The following LRRC28 variants were observed in gnomAD, a reference collection of about 807,000 sequenced individuals.
LRRC28 encodes leucine rich repeat containing 28.
LRRC28 carries 39 observed loss-of-function variants against 45.7 expected under a neutral mutation model. That is an observed-to-expected ratio of 0.85 (90% confidence interval 0.66 to 1.12). The LOEUF is 1.12. Among genes scored for constraint, LRRC28 ranks in the 50% most tolerant of loss-of-function variants. The probability of loss-of-function intolerance (pLI) is 0.00; values close to 1 mark genes in which losing one functional copy is unlikely to be tolerated. For synonymous variants in LRRC28, 206 were observed against 178.8 expected (o/e 1.15, Z -1.22); for missense variants, 435 against 438.5 (o/e 0.99, Z 0.07).
chr15:99,380,781 C>G (rs1957795814), intron 9 of LRRC28, among the ~76,000 whole-genome samples: 1 of 152,160 alleles, frequency 6.6e-6, no homozygotes, highest in Non-Finnish European at 1.5e-5. Flanking sequence ...TTTATTTCTC[C>G]TTCACTTATG....
chr15:99,372,950 G>A (rs867555748), intron 9 of LRRC28, among the ~76,000 whole-genome samples: 1 of 151,974 alleles, frequency 6.6e-6, no homozygotes, highest in African/African-American at 2.4e-5. Context: ...AGAGGGAAAC[G>A]ACCCTTATAA....
chr15:99,285,894 G>T, intron 3 of LRRC28: 1 of 283,986 alleles, frequency 3.5e-6, no homozygotes, highest in Non-Finnish European at 6.9e-6. Flanking sequence ...CAGAAAGCAA[G>T]GAATGAAATG....
At chr15:99,370,448 G>T (rs932527349) in intron 9 of LRRC28, among the ~76,000 whole-genome samples, 2 of 152,108 alleles carry the variant, frequency 1.3e-5, no homozygotes, top group Non-Finnish European at 2.9e-5. Flanking sequence ...AGTCCAGAAG[G>T]ATGGAGCTCC....
At chr15:99,318,796 T>A (rs945622065) in intron 5 of LRRC28, among the ~76,000 whole-genome samples, 1 of 152,088 alleles carries the variant, frequency 6.6e-6, no homozygotes, top group South Asian at 2.1e-4. Context: ...GTATTTTAAT[T>A]GAGAGATTTT....
In LRRC28 at chr15:99,363,106, A is replaced by G. The variant is rs766170380; in HGVS notation, c.872A>G (p.Asp291Gly). The G allele has an allele frequency of 8.1e-6, 13 of 1,605,722 alleles. No individual in the cohort carries two copies. Among genetic ancestry groups the G allele is most frequent in the Non-Finnish European group, 1.1e-5 (13 of 1,176,348 alleles). ...LYHTYHSLLKDLNFLSPISLP... is the reference protein window; with the variant it reads ...LYHTYHSLLKGLNFLSPISLP... The stretch of plus-strand genomic sequence containing the variant: ...TGCGTGATTTTCTTTTGTGTTCCAG[A>G]TTTGAACTTTCTGTCTCCAATCTCA... The change falls in exon 9 of 10, where the codon GAT becomes GGT. Residue 291 changes from aspartate (D) to glycine (G), a missense_variant and splice_region_variant. Transcript: ENST00000301981.
At chr15:99,312,387 G>A (rs966316702) in intron 5 of LRRC28, among the ~76,000 whole-genome samples, 3 of 152,130 alleles carry the variant, frequency 2.0e-5, no homozygotes, top group African/African-American at 7.2e-5. Context: ...CAATATCACT[G>A]TCTTCCACCT....
chr15:99,322,976 G>C (rs1292039195), intron 5 of LRRC28, among the ~76,000 whole-genome samples: 2 of 152,170 alleles, frequency 1.3e-5, no homozygotes, highest in Non-Finnish European at 2.9e-5. Flanking sequence ...TTTTTCTGTG[G>C]TATTTCTGTA....
intron 7 of LRRC28, among the ~76,000 whole-genome samples, chr15:99,359,729 T>C (rs1957145915): frequency 6.6e-6 from 1 of 152,174 alleles, no homozygotes; most frequent in Admixed American, 6.5e-5. Context: ...AGGATAAACA[T>C]AATGAATAAA....
chr15:99,384,816 T>C (rs1472986), intron 9 of LRRC28: 88,708 of 152,198 alleles, frequency 0.58, 26,146 homozygotes, highest in Middle Eastern at 0.71. Context: ...CCAGCCCAAC[T>C]TCAGAATCTC....
At chr15:99,350,479 A>G (rs1218090167) in intron 6 of LRRC28, among the ~76,000 whole-genome samples, 2 of 152,206 alleles carry the variant, frequency 1.3e-5, no homozygotes, top group Admixed American at 6.5e-5. Flanking sequence ...TGTGAAGCAA[A>G]AGACCTTCAA....
chr15:99,322,282 T>C (rs1445864188), intron 5 of LRRC28, among the ~76,000 whole-genome samples: 1 of 152,120 alleles, frequency 6.6e-6, no homozygotes, highest in African/African-American at 2.4e-5. Context: ...GACCATGATC[T>C]GATGTATATT....
chr15:99,349,909 G>A (rs1956816942), intron 6 of LRRC28, among the ~76,000 whole-genome samples: 1 of 152,070 alleles, frequency 6.6e-6, no homozygotes, highest in Non-Finnish European at 1.5e-5. Flanking sequence ...GGCCGAGGCG[G>A]GTGGATCATG....
chr15:99,259,534 G>A, intron 2 of LRRC28: 1 of 1,230,188 alleles, frequency 8.1e-7, no homozygotes, highest in East Asian at 2.3e-5. Flanking sequence ...CTCAGTGCCT[G>A]ACAGAATCTC....
intron 2 of LRRC28, chr15:99,259,189 C>G (rs2081117961): frequency 9.0e-7 from 1 of 1,117,240 alleles, no homozygotes; most frequent in South Asian, 1.2e-5. Context: ...CTAGCCTACA[C>G]CAGGATGTTG....
At chr15:99,326,108 C>T (rs2152283833) in intron 5 of LRRC28, among the ~76,000 whole-genome samples, 1 of 152,034 alleles carries the variant, frequency 6.6e-6, no homozygotes, top group East Asian at 1.9e-4. Context: ...TACCTTTGTT[C>T]TGTATTTCTC....
chr15:99,252,717 A>G (rs938271322), intron 1 of LRRC28, among the ~76,000 whole-genome samples: 2 of 152,222 alleles, frequency 1.3e-5, no homozygotes, highest in African/African-American at 4.8e-5. Flanking sequence ...TGAAAAATCA[A>G]CCTTGCAATG....
Position 99,386,022 on chromosome 15 carries a change from C to T in LRRC28, c.1032-8C>T. On this transcript the variant is annotated splice_polypyrimidine_tract_variant and splice_region_variant and intron_variant, in intron 9 of 9. Transcript: ENST00000301981. Reference sequence around the variant, plus strand: ...ACAGCGTTCTTCTCTCCCTTTTTCCCCTTCCAGGAAGACAACTGTTAGTTT... The same window carrying T: ...ACAGCGTTCTTCTCTCCCTTTTTCCTCTTCCAGGAAGACAACTGTTAGTTT... 4 of 1,613,226 alleles carry T rather than the reference C, an allele frequency of 2.5e-6. No homozygotes were observed. The highest frequency in any genetic ancestry group is 3.4e-6 in the Non-Finnish European group (4 of 1,179,306).
chr15:99,258,863 TTCA>T (rs2081106997), intron 2 of LRRC28: 1 of 706,720 alleles, frequency 1.4e-6, no homozygotes, highest in African/African-American at 1.7e-5. Flanking sequence ...GCGCTGTGTA[TTCA>T]TCACAGATGA....
intron 6 of LRRC28, among the ~76,000 whole-genome samples, chr15:99,351,444 CT>C (rs1305655383): frequency 1.3e-5 from 2 of 152,162 alleles, no homozygotes; most frequent in East Asian, 3.8e-4. Flanking sequence ...GTAGGCCCTT[CT>C]TTTGGGGCCC....
Sources: allele counts gnomAD v4.1 joint callset (sites outside exome capture counted in the v4.1 genomes callset), GRCh38; gene constraint gnomAD v4.1.1; transcripts MANE v1.5; gene names NCBI Gene and HGNC (gene_info 2026-07-23, HGNC 2026-07-21).